The following AKAP9 variants were observed in gnomAD, a reference collection of about 807,000 sequenced individuals.
AKAP9 encodes A-kinase anchor protein 9.
A neutral mutation model predicts 488.5 loss-of-function variants in AKAP9; 311 were observed. That is an observed-to-expected ratio of 0.64 (90% CI 0.58 to 0.70). AKAP9 has a LOEUF of 0.70. Ranked by LOEUF, AKAP9 falls within the 30% of genes least tolerant of loss-of-function variation. The pLI is 0.00. For missense variants in AKAP9, 4,215 were observed against 4,374.5 expected (o/e 0.96, Z 1.03); for synonymous variants, 1,462 against 1,483.5 (o/e 0.99, Z 0.33).
At chr7:92,042,488 T>A (rs569587422) in intron 19 of AKAP9, among the ~76,000 whole-genome samples, 180 bp from the exon 20 acceptor site, 1 of 152,320 alleles carries the variant, frequency 6.6e-6, no homozygotes, top group East Asian at 1.9e-4. Flanking sequence ...CGAGAATGTT[T>A]TATCCTCTTT....
At chr7:92,005,813 GCAC>G (rs36064763) in intron 8 of AKAP9, among the ~76,000 whole-genome samples, 60,255 of 151,246 alleles carry the variant, frequency 0.4, 12,262 homozygotes, top group African/African-American at 0.46. Context: ...TTACAGGCAT[GCAC>G]CACCACCACG....
At chr7:92,071,584 C>T (rs1811741612) in intron 28 of AKAP9, among the ~76,000 whole-genome samples, 1 of 151,998 alleles carries the variant, frequency 6.6e-6, no homozygotes, top group Non-Finnish European at 1.5e-5. Context: ...ACAATGGTCA[C>T]CTCAACTTCC....
Position 92,012,415 on chromosome 7 carries a change from A to G in AKAP9, c.3319-14A>G, listed in dbSNP as rs750802558. 3.8e-6 allele frequency: 6 copies of G among 1,599,366 alleles called. No homozygotes were observed. Among genetic ancestry groups the G allele is most frequent in the Non-Finnish European group, 5.1e-6 (6 of 1,167,062 alleles). ...TTTAAGAATATTATAATGTTTACAT[A>G]TGTTTACTTTAAGAATGATTTAAGG... On this transcript the variant is annotated splice_polypyrimidine_tract_variant and intron_variant, in intron 8 of 49. Transcript: ENST00000356239.
At chr7:92,084,797 C>T (rs1309980897) in intron 34 of AKAP9, 22 bp from the exon 35 acceptor site, 2 of 1,607,500 alleles carry the variant, frequency 1.2e-6, no homozygotes, top group Non-Finnish European at 1.7e-6. Flanking sequence ...TTTTTAACAG[C>T]AAATTATTTT....
chr7:92,085,435 C>A, intron 35 of AKAP9, 60 bp from the exon 36 acceptor site: 1 of 1,481,160 alleles, frequency 6.8e-7, no homozygotes, highest in Non-Finnish European at 9.4e-7. Flanking sequence ...GTTTGTAAGT[C>A]TAATTTTTCA....
At chr7:91,980,155 G>T in intron 2 of AKAP9, 134 bp from the exon 3 acceptor site, 1 of 500,402 alleles carries the variant, frequency 2.0e-6, no homozygotes. Context: ...AAAGATTTGA[G>T]TAATTTTTAC....
chr7:92,051,266 T>C (rs142283275), intron 21 of AKAP9, among the ~76,000 whole-genome samples: 1 of 152,306 alleles, frequency 6.6e-6, no homozygotes, highest in East Asian at 1.9e-4. Flanking sequence ...GCGTCACATT[T>C]CTGTACCCAT....
chr7:92,000,740 A>AT (rs1326591731), intron 7 of AKAP9, 108 bp from the exon 8 acceptor site: 3 of 638,746 alleles, frequency 4.7e-6, no homozygotes, highest in East Asian at 3.1e-5. Context: ...TTTTTGTAGA[A>AT]TTTTTTAAAA....
intron 1 of AKAP9, among the ~76,000 whole-genome samples, chr7:91,947,714 A>G (rs1791646603): frequency 6.6e-6 from 1 of 152,226 alleles, no homozygotes; most frequent in South Asian, 2.1e-4. Context: ...GTGTACCTCA[A>G]CAGGTGTTTT....
intron 8 of AKAP9, among the ~76,000 whole-genome samples, chr7:92,008,996 A>G (rs557134056): frequency 2.6e-5 from 4 of 151,656 alleles, no homozygotes; most frequent in East Asian, 1.9e-4. Context: ...AAAAAAAAAA[A>G]AAAAGAAAAT....
At chr7:92,027,015 C>A (rs1157371345) in intron 14 of AKAP9, among the ~76,000 whole-genome samples, 1 of 139,654 alleles carries the variant, frequency 7.2e-6, no homozygotes, top group Non-Finnish European at 1.5e-5. Flanking sequence ...CGCCTCTGCC[C>A]GGCTGCCCTG....
In AKAP9 at chr7:92,031,067, T is replaced by C. The variant is rs1390376096; in HGVS notation, c.4246-445T>C. On this transcript the variant is annotated intron_variant, in intron 15 of 49. Transcript: ENST00000356239. ...TGTTTTTTAAAAGTTTATGGTTTTT[T>C]CTATTGATAAAAGTAATTTGTATTT... is the stretch of plus-strand genomic sequence containing the variant. 2.6e-5 allele frequency among the ~76,000 whole-genome samples: 4 copies of C among 152,334 alleles called. No individual in the cohort carries two copies. In the East Asian group the frequency reaches 7.7e-4, roughly 29 times the overall value.
intron 12 of AKAP9, among the ~76,000 whole-genome samples, chr7:92,020,627 C>T (rs895230091): frequency 4.6e-5 from 7 of 152,152 alleles, no homozygotes; most frequent in Admixed American, 3.9e-4. Context: ...CTGCCTCTTT[C>T]ACTATTATTC....
At chr7:91,961,857 C>A (rs1048032453) in intron 1 of AKAP9, among the ~76,000 whole-genome samples, 2 of 151,820 alleles carry the variant, frequency 1.3e-5, no homozygotes, top group Non-Finnish European at 2.9e-5. Context: ...AAAAAAAAAT[C>A]TTGAGTTTAA....
chr7:92,109,742 C>A (rs1819065190), intron 49 of AKAP9, among the ~76,000 whole-genome samples: 1 of 152,110 alleles, frequency 6.6e-6, no homozygotes, highest in Non-Finnish European at 1.5e-5. Context: ...TCAAGACCAA[C>A]CAGTTCGAGA....
intron 46 of AKAP9, among the ~76,000 whole-genome samples, chr7:92,103,036 C>A (rs1817849545): frequency 6.6e-6 from 1 of 152,076 alleles, no homozygotes; most frequent in Admixed American, 6.6e-5. Flanking sequence ...TGAAAAGGGC[C>A]TTCCTAGGTC....
In AKAP9 at chr7:92,061,349, G is replaced by A; in HGVS notation, c.5691G>A (p.Glu1897=). The part of the protein sequence containing the change: ...QEATESLKCQ[E]ELRERLHEES... ...CAACAGAGTCCCTTAAGTGCCAAGAGGAACTTCGAGAGCGCCTTCATGAGG... is the reference window on the plus strand; with the variant it reads ...CAACAGAGTCCCTTAAGTGCCAAGAAGAACTTCGAGAGCGCCTTCATGAGG... Residue 1897 remains glutamate, a synonymous_variant, in exon 23 of 50, where the codon GAG becomes GAA. Transcript: ENST00000356239. The A allele has an allele frequency of 6.2e-7, 1 of 1,613,124 alleles. No individual in the cohort carries two copies. The highest frequency in any genetic ancestry group is 8.5e-7 in the Non-Finnish European group (1 of 1,179,526).
Position 92,012,973 on chromosome 7 carries a change from A to ATTT in AKAP9, c.3532+365_3532+367dup, listed in dbSNP as rs749688986. Among the ~76,000 whole-genome samples, 403 of 60,758 alleles carry ATTT rather than the reference A, an allele frequency of 6.6e-3. 93 individuals carry two copies. The highest frequency in any genetic ancestry group is 0.046 in the East Asian group (68 of 1,468). 39.9% of individuals were successfully genotyped at this position (60,758 alleles called of 152,430 possible). ...GGTGGTAGACAGTGGTGGGGTTGGA[A>ATTT]TTTTTTTTTTTTTTTTTTTTTTTTT... is the stretch of plus-strand genomic sequence containing the variant. On this transcript the variant is annotated intron_variant, in intron 9 of 49. Transcript: ENST00000356239.
At chr7:92,107,785 A>G in intron 48 of AKAP9, 1 of 213,122 alleles carries the variant, frequency 4.7e-6, no homozygotes, top group Non-Finnish European at 9.6e-6. Flanking sequence ...CGGGAGGCGG[A>G]GCTGGCAGTG....
Sources: allele counts gnomAD v4.1 joint callset (sites outside exome capture counted in the v4.1 genomes callset), GRCh38; gene constraint gnomAD v4.1.1; transcripts MANE v1.5; gene names NCBI Gene and HGNC (gene_info 2026-07-23, HGNC 2026-07-21).